Variants in BICC1 observed in about 807,000 individuals in gnomAD.
BICC1 encodes the protein BicC family RNA binding protein 1.
Under a neutral mutation model 111.0 loss-of-function variants are expected in BICC1, and 43 were observed. The ratio of observed to expected loss-of-function variants is 0.39; its 90% confidence interval spans 0.30 to 0.50. The LOEUF (loss-of-function observed/expected upper bound fraction) is 0.50. Ranked by LOEUF, BICC1 falls within the 20% of genes least tolerant of loss-of-function variation. BICC1 has a pLI of 0.88. For missense variants in BICC1, 1,091 were observed against 1,203.2 expected (o/e 0.91, Z 1.38); for synonymous variants, 467 against 434.4 (o/e 1.07, Z -0.93).
At chr10:58,813,257 ATTTT>A (rs964973157) in intron 17 of BICC1, among the ~76,000 whole-genome samples, 1 of 152,106 alleles carries the variant, frequency 6.6e-6, no homozygotes, top group African/African-American at 2.4e-5. Context: ...ATTTTAAATT[ATTTT>A]TGTTTTTATT....
intron 7 of BICC1, 89 bp downstream of exon 7, chr10:58,789,545 G>C: frequency 6.6e-7 from 1 of 1,506,864 alleles, no homozygotes; most frequent in South Asian, 1.3e-5. Context: ...TTGATTTCCA[G>C]AATTTTCCTT....
intron 14 of BICC1, among the ~76,000 whole-genome samples, chr10:58,801,814 C>T (rs779224268): frequency 3.9e-5 from 6 of 152,120 alleles, no homozygotes; most frequent in East Asian, 1.9e-4. Context: ...TATTACCCAC[C>T]GTTGTCCAGT....
intron 1 of BICC1, among the ~76,000 whole-genome samples, chr10:58,542,877 T>C (rs572812224): frequency 6.6e-6 from 1 of 151,240 alleles, no homozygotes; most frequent in Non-Finnish European, 1.5e-5. Flanking sequence ...AAAACAAGTG[T>C]TGGTTAGGAT....
chr10:58,828,376 C>T (rs1171231871), intron 20 of BICC1, among the ~76,000 whole-genome samples: 1 of 152,152 alleles, frequency 6.6e-6, no homozygotes, highest in African/African-American at 2.4e-5. Flanking sequence ...CTTTCACGAG[C>T]TTAGCTTGTT....
At chr10:58,690,025 C>T (rs773695566) in intron 2 of BICC1, among the ~76,000 whole-genome samples, 70 of 152,070 alleles carry the variant, frequency 4.6e-4, no homozygotes, top group Non-Finnish European at 9.1e-4. Flanking sequence ...TAGTGTTTCA[C>T]CATAAACATA....
At chr10:58,536,579 G>A (rs1240179278) in intron 1 of BICC1, among the ~76,000 whole-genome samples, 2 of 151,678 alleles carry the variant, frequency 1.3e-5, no homozygotes, top group East Asian at 1.9e-4. Context: ...GTTAAGAGGC[G>A]TTTATAGCAC....
At chr10:58,666,097 G>A (rs1378115623) in intron 2 of BICC1, among the ~76,000 whole-genome samples, 5 of 152,080 alleles carry the variant, frequency 3.3e-5, no homozygotes, top group Non-Finnish European at 7.4e-5. Context: ...TTTGCAAATC[G>A]GGCAGTCCCC....
At chr10:58,535,563 A>C (rs1445375413) in intron 1 of BICC1, among the ~76,000 whole-genome samples, 1 of 151,812 alleles carries the variant, frequency 6.6e-6, no homozygotes, top group Non-Finnish European at 1.5e-5. Flanking sequence ...CCAATGTTAC[A>C]AGAAATGCTA....
At chr10:58,532,778 A>G (rs1842715806) in intron 1 of BICC1, among the ~76,000 whole-genome samples, 6 of 151,888 alleles carry the variant, frequency 4.0e-5, no homozygotes, top group Admixed American at 3.9e-4. Flanking sequence ...GGGTGCCAAA[A>G]CTGTTGTGCT....
intron 2 of BICC1, among the ~76,000 whole-genome samples, chr10:58,679,413 T>C (rs1002694079): frequency 1.3e-5 from 2 of 152,122 alleles, no homozygotes; most frequent in Admixed American, 1.3e-4. Flanking sequence ...AGCACCTGTA[T>C]GCAAATAAAC....
chr10:58,534,343 C>T (rs1383268455), intron 1 of BICC1, among the ~76,000 whole-genome samples: 1 of 151,576 alleles, frequency 6.6e-6, no homozygotes, highest in African/African-American at 2.4e-5. Context: ...TTGAAAGAAG[C>T]AGTGGGCGGC....
chr10:58,625,022 G>C (rs1588944022), intron 2 of BICC1, among the ~76,000 whole-genome samples: 1 of 152,126 alleles, frequency 6.6e-6, no homozygotes, highest in East Asian at 1.9e-4. Context: ...CTATGTATTT[G>C]CATTGGATCC....
intron 2 of BICC1, among the ~76,000 whole-genome samples, chr10:58,694,674 G>A (rs955356949): frequency 7.9e-5 from 12 of 152,058 alleles, no homozygotes; most frequent in African/African-American, 1.4e-4. Flanking sequence ...CCTCCTAATC[G>A]CTGTTAACAA....
intron 8 of BICC1, among the ~76,000 whole-genome samples, chr10:58,790,989 A>G (rs74149133): frequency 0.023 from 3,455 of 152,302 alleles, 110 homozygotes; most frequent in African/African-American, 0.078. Flanking sequence ...GACATTTACT[A>G]TTATTAACTT....
At chr10:58,814,124 T>C (rs1358960109) in intron 18 of BICC1, 138 bp downstream of exon 18, 1 of 980,350 alleles carries the variant, frequency 1.0e-6, no homozygotes, top group Non-Finnish European at 1.6e-6. Flanking sequence ...CTGTGAAGCC[T>C]CCTTGTTTCT....
chr10:58,534,356 C>T (rs1025413833), intron 1 of BICC1, among the ~76,000 whole-genome samples: 1 of 151,508 alleles, frequency 6.6e-6, no homozygotes, highest in Non-Finnish European at 1.5e-5. Flanking sequence ...TGGGCGGCAG[C>T]CTATACTGTG....
chr10:58,755,990 C>T (rs1271422206), intron 3 of BICC1, among the ~76,000 whole-genome samples: 1 of 152,152 alleles, frequency 6.6e-6, no homozygotes, highest in African/African-American at 2.4e-5. Context: ...TTTGCTTTTC[C>T]CATTTTCCTC....
At chr10:58,820,635 T>A (rs142410615) in intron 20 of BICC1, among the ~76,000 whole-genome samples, 167 bp downstream of exon 20, 1 of 152,222 alleles carries the variant, frequency 6.6e-6, no homozygotes, top group Non-Finnish European at 1.5e-5. Context: ...TGAGACTGTC[T>A]TACTTTTTCA....
At chr10:58,722,186 G>T (rs186200172) in intron 3 of BICC1, among the ~76,000 whole-genome samples, 38 of 152,292 alleles carry the variant, frequency 2.5e-4, no homozygotes, top group Non-Finnish European at 4.6e-4. Context: ...CGGTTTCCAT[G>T]AGCAGTCATA....
Sources: gnomAD v4.1 joint callset for allele counts (sites outside exome capture counted in the v4.1 genomes callset) on GRCh38, gnomAD v4.1.1 for gene constraint, MANE v1.5 for transcripts, NCBI Gene and HGNC (gene_info 2026-07-23, HGNC 2026-07-21) for gene names.